APBA3: variants seen among roughly 807,000 people sequenced by gnomAD.
The protein encoded by APBA3 is amyloid-beta A4 precursor protein-binding family A member 3.
A neutral mutation model predicts 55.9 loss-of-function variants in APBA3; 45 were observed. The observed-to-expected ratio is 0.80, with a 90% CI of 0.63 to 1.03. The LOEUF is 1.03. APBA3 is among the 50% of genes least tolerant of loss of function. The pLI is 0.00. For synonymous variants in APBA3, 370 were observed against 353.3 expected (o/e 1.05, Z -0.53); for missense variants, 865 against 820.3 (o/e 1.05, Z -0.67).
intron 3 of APBA3, 147 bp from the exon 4 acceptor site, chr19:3,754,487 C>T (rs1172601375): frequency 1.4e-5 from 15 of 1,088,446 alleles, no homozygotes; most frequent in African/African-American, 1.3e-4. Flanking sequence ...GCCCACTGTT[C>T]TAGAACCATC....
intron 9 of APBA3, 29 bp from the exon 10 acceptor site, chr19:3,751,358 G>C: frequency 6.6e-7 from 1 of 1,520,308 alleles, no homozygotes; most frequent in South Asian, 1.2e-5. Flanking sequence ...GGACGGGAAA[G>C]AGGTGGGGGC....
intron 8 of APBA3, 52 bp downstream of exon 8, chr19:3,752,456 C>A (rs2145716747): frequency 6.7e-7 from 1 of 1,487,706 alleles, no homozygotes; most frequent in Non-Finnish European, 9.0e-7. Context: ...CTCTCTGGGA[C>A]TCAGCTCCCC....
chr19:3,751,692 G>GTGAT, intron 8 of APBA3, 139 bp from the exon 9 acceptor site: 1 of 1,033,346 alleles, frequency 9.7e-7, no homozygotes, highest in Non-Finnish European at 1.4e-6. Context: ...CCCCTCAGAT[G>GTGAT]TGATAGAGAA....
Position 3,751,417 on chromosome 19 carries a change from AGGGGCC to A in APBA3, c.1515+11_1515+16del, listed in dbSNP as rs1401260631. 9 of 1,520,072 alleles carry A rather than the reference AGGGGCC, an allele frequency of 5.9e-6. No homozygotes were observed. Among genetic ancestry groups the A allele is most frequent in the African/African-American group, 1.4e-5 (1 of 72,256 alleles). The allele number at this position is 1,520,072 out of a possible 1,614,324, so 94.2% of individuals were successfully genotyped here. The stretch of plus-strand genomic sequence containing the variant: ...CGCCCTACCCCCCCACCCCGGGGCC[AGGGGCC>A]GGGGCCTCACGATGCCGTCCTCCAC... On this transcript the variant is annotated intron_variant, in intron 9 of 10. Coordinates refer to ENST00000316757, the MANE Select transcript of APBA3 (RefSeq NM_004886.4).
At chr19:3,760,746 C>CAA (rs34046514) in intron 1 of APBA3, among the ~76,000 whole-genome samples, 3,681 of 116,628 alleles carry the variant, frequency 0.032, 142 homozygotes, top group African/African-American at 0.093. Context: ...AGACTATCTC[C>CAA]AAAAAAAAAA....
At chr19:3,754,547 G>A (rs2037053651) in intron 3 of APBA3, 2 of 606,996 alleles carry the variant, frequency 3.3e-6, no homozygotes, top group South Asian at 5.2e-5. Flanking sequence ...ATCCCTCAAG[G>A]ACTCGCAGGT....
chr19:3,757,373 T>C (rs745977882), intron 3 of APBA3, among the ~76,000 whole-genome samples: 1 of 152,096 alleles, frequency 6.6e-6, no homozygotes, highest in African/African-American at 2.4e-5. Context: ...TTTCAAAGTG[T>C]TGGGATTACA....
Position 3,753,909 on chromosome 19 carries a change from G to A in APBA3, c.867C>T (p.His289=), listed in dbSNP as rs370997550. The A allele has an allele frequency of 9.6e-6, 15 of 1,555,696 alleles. No individual in the cohort carries two copies. The East Asian group carries it at 1.4e-4, about 15-fold the overall frequency. The stretch of plus-strand genomic sequence containing the variant: ...CTGTGTAGGAGATGGTATGCAGGGC[G>A]TGGTCCATCATGGCCTCCTGGGGCG... The part of the protein sequence containing the change: ...TADSQEAMMD[H]ALHTISYTAD... The change falls in exon 6 of 11, where the codon CAC becomes CAT. Residue 289 remains histidine (H), a synonymous_variant. Coordinates refer to ENST00000316757, the MANE Select transcript of APBA3 (RefSeq NM_004886.4).
At chr19:3,754,691 C>T (rs1406729599) in intron 3 of APBA3, 1 of 217,646 alleles carries the variant, frequency 4.6e-6, no homozygotes, top group Non-Finnish European at 9.0e-6. Flanking sequence ...TTTTGAGACA[C>T]GGTCTCGCTC....
Position 3,751,239 on chromosome 19 carries a change from C to T in APBA3, c.1606G>A (p.Ala536Thr). ...TCGATGATGCGGGCGTGTGGCGTGG[C>T]CACCACACTCTGCCCATTGATCTCA... is the stretch of plus-strand genomic sequence containing the variant. ...IIEINGQSVV[A>T]TPHARIIELL... Residue 536 changes from alanine to threonine, a missense_variant, in exon 10 of 11, where the codon GCC becomes ACC. By Grantham distance (58) the Ala-to-Thr change is moderately conservative (BLOSUM62 0). Transcript: ENST00000316757. The T allele has an allele frequency of 1.3e-6, 2 of 1,547,600 alleles. No individual in the cohort carries two copies.
In APBA3 at chr19:3,759,885, C is replaced by A; in HGVS notation, c.380G>T (p.Gly127Val). The A allele has an allele frequency of 1.2e-6, 2 of 1,612,178 alleles. No individual in the cohort carries two copies. The highest frequency in any genetic ancestry group is 1.7e-6 in the Non-Finnish European group (2 of 1,179,700). Residue 127 changes from glycine (G) to valine (V), a missense_variant, in exon 2 of 11, where the codon GGT (glycine) becomes GTT (valine). By Grantham distance (109) the Gly-to-Val change is moderately radical (BLOSUM62 -3). Coordinates refer to ENST00000316757, the MANE Select transcript of APBA3 (RefSeq NM_004886.4). Reference sequence around the variant, plus strand: ...GGCAGGCTCTAGAGGCTCTTCAGGACCAGTCTGGGAAGGCGGGCATTCCTC... The same window carrying A: ...GGCAGGCTCTAGAGGCTCTTCAGGAACAGTCTGGGAAGGCGGGCATTCCTC... ...HCEECPPSQT[G>V]PEEPLEPAPR...
At position 3,752,677 on chromosome 19, in the gene APBA3, A is replaced by G; in HGVS notation, c.1226T>C (p.Leu409Pro). ...CAGGGAGCCCCAGCCCGACTCCACC[A>G]GGGCCACGCCCAGGCCCTCCCCTCG... ...KRRGEGLGVA[L>P]VESGWGSLLP... is the part of the protein sequence containing the mutation. Residue 409 changes from leucine to proline, a missense_variant, in exon 8 of 11, where the codon CTG becomes CCG. Leu to Pro is a moderately conservative substitution (Grantham distance 98, BLOSUM62 -3). Coordinates refer to ENST00000316757, the MANE Select transcript of APBA3 (RefSeq NM_004886.4). 6.3e-7 allele frequency: 1 copy of G among 1,593,640 alleles called. No homozygotes were observed. Among genetic ancestry groups the G allele is most frequent in the Non-Finnish European group, 8.5e-7 (1 of 1,175,280 alleles).
Position 3,754,006 on chromosome 19 carries a change from C to A in APBA3, c.849+13G>T. On this transcript the variant is annotated intron_variant, in intron 5 of 10. Transcript: ENST00000316757. The stretch of plus-strand genomic sequence containing the variant: ...CCCCACCCGCATCCCTGGGGCGGGT[C>A]CCTGCCCCGTACCTGGGAGTCCGCT... 1 of 1,603,978 alleles carries A rather than the reference C, an allele frequency of 6.2e-7. No individual in the cohort carries two copies. The highest frequency in any genetic ancestry group is 2.3e-5 in the East Asian group (1 of 44,340).
At chr19:3,761,200 G>A (rs1244132658) in intron 1 of APBA3, among the ~76,000 whole-genome samples, 1 of 151,966 alleles carries the variant, frequency 6.6e-6, no homozygotes, top group Admixed American at 6.6e-5. Context: ...CTCAAGACGC[G>A]GAACCCAGGC....
intron 4 of APBA3, 37 bp downstream of exon 4, chr19:3,754,158 C>T: frequency 6.5e-7 from 1 of 1,548,258 alleles, no homozygotes; most frequent in Non-Finnish European, 8.7e-7. Flanking sequence ...GCCTGCAGCC[C>T]ACCCGCCTGC....
rs1313407291 is a variant in APBA3, at chr19:3,751,460, G to C, written c.1489C>G (p.Leu497Val). 2 of 1,550,276 alleles carry C rather than the reference G, an allele frequency of 1.3e-6. No individual in the cohort carries two copies. Among genetic ancestry groups the C allele is most frequent in the Non-Finnish European group, 1.7e-6 (2 of 1,152,242 alleles). ...IIHRPHAREQ[L>V]GFCVEDGIIC... ...ATGCCGTCCTCCACGCAGAAGCCCA[G>C]CTGCTCGCGGGCGTGGGGCCGGTGG... The change falls in exon 9 of 11, where the codon CTG becomes GTG. Residue 497 changes from leucine (L) to valine (V), a missense_variant. Coordinates refer to ENST00000316757, the MANE Select transcript of APBA3 (RefSeq NM_004886.4).
chr19:3,750,875 CTT>C lies in APBA3; in HGVS notation c.*149_*150del. On this transcript the variant is annotated 3_prime_UTR_variant, in exon 11 of 11. Transcript: ENST00000316757. ...CGGTCCCGTAGACCCTGATCCGAGA[CTT>C]TGCCAAATGCATAAGCTTTTACTGT... 3 of 1,101,834 alleles carry C rather than the reference CTT, an allele frequency of 2.7e-6. No homozygotes were observed. Among genetic ancestry groups the C allele is most frequent in the South Asian group, 2.8e-5 (2 of 72,564 alleles). The allele number at this position is 1,101,834 out of a possible 1,614,324, so 68.3% of individuals were successfully genotyped here. A position where few individuals can be genotyped will look rare whatever the true frequency, so the allele number is the denominator to read the frequency against.
Position 3,754,350 on chromosome 19 carries a change from A to C in APBA3, c.617-10T>G. The C allele has an allele frequency of 5.1e-6, 8 of 1,556,020 alleles. No homozygotes were observed. Among genetic ancestry groups the C allele is most frequent in the Non-Finnish European group, 6.9e-6 (8 of 1,153,502 alleles). ...TCACAGGGACCAGGCACTGAGGGCG[A>C]CAGCGAAGAGGGTCGGCCCCCAGGG... On this transcript the variant is annotated splice_polypyrimidine_tract_variant and intron_variant, in intron 3 of 10. Transcript: ENST00000316757.
chr19:3,756,870 C>T (rs2037084578), intron 3 of APBA3, among the ~76,000 whole-genome samples: 1 of 152,172 alleles, frequency 6.6e-6, no homozygotes, highest in African/African-American at 2.4e-5. Flanking sequence ...GACAGCTCTG[C>T]CCAGGGTTAT....
Sources: allele counts gnomAD v4.1 joint callset (sites outside exome capture counted in the v4.1 genomes callset), GRCh38; gene constraint gnomAD v4.1.1; transcripts MANE v1.5; gene names NCBI Gene and HGNC (gene_info 2026-07-23, HGNC 2026-07-21).